ALOXE3: variants seen among roughly 807,000 people sequenced by gnomAD.
ALOXE3 encodes the protein hydroperoxide isomerase ALOXE3.
A neutral mutation model predicts 87.5 loss-of-function variants in ALOXE3; 78 were observed. The observed-to-expected ratio is 0.89, with a 90% CI of 0.74 to 1.08. The LOEUF is 1.08. Among genes scored for constraint, ALOXE3 ranks in the 50% least tolerant of loss-of-function variants. The pLI, the probability that ALOXE3 is intolerant of heterozygous loss-of-function variation, is 0.00. For synonymous variants in ALOXE3, 363 were observed against 370.8 expected, an observed-to-expected ratio of 0.98 and a Z score of 0.24; for missense variants, 946 against 912.4, an observed-to-expected ratio of 1.04 and a Z score of -0.47.
At chr17:8,108,679 G>A in intron 12 of ALOXE3, 90 bp from the exon 13 acceptor site, 2 of 1,563,202 alleles carry the variant, frequency 1.3e-6, no homozygotes, top group African/African-American at 2.7e-5. Flanking sequence ...AGGCGGCAGA[G>A]AGACAGATAG....
intron 13 of ALOXE3, among the ~76,000 whole-genome samples, chr17:8,108,059 GAAA>G (rs1567997145): frequency 8.7e-5 from 13 of 149,980 alleles, no homozygotes; most frequent in African/African-American, 1.2e-4. Flanking sequence ...AAGAAAGAAA[GAAA>G]GAAAGGAAGA....
rs57348893 is a variant in ALOXE3 at position 8,101,031 on chromosome 17, G to GT, written c.1956+2291dup. ...CACGGTGCCAAGCTGCTTTTTTTTT[G>GT]TTTTTTTTTTTTTGAGATGGAACTT... On this transcript the variant is annotated intron_variant, in intron 15 of 15. Coordinates refer to ENST00000448843, the MANE Select transcript of ALOXE3 (RefSeq NM_021628.3). Among the ~76,000 whole-genome samples the GT allele has an allele frequency of 4.9e-4, 68 of 140,122 alleles. 1 individual carries two copies. The highest frequency in any genetic ancestry group is 2.0e-3 in the South Asian group (9 of 4,392). 91.9% of individuals were successfully genotyped at this position (140,122 alleles called of 152,430 possible).
Position 8,111,394 on chromosome 17 carries a change from G to A in ALOXE3, c.922C>T (p.Leu308=). Reference sequence around the variant, plus strand: ...GTCTGCAGGCATGTGTCCTGTCCCAGCAAGGGGGCCACCATGTCATTGGTG... The same window carrying A: ...GTCTGCAGGCATGTGTCCTGTCCCAACAAGGGGGCCACCATGTCATTGGTG... ...PVTNDMVAPL[L]GQDTCLQTEL... The change falls in exon 8 of 16, where the codon CTG becomes TTG. Residue 308 remains leucine (L), a synonymous_variant. Transcript: ENST00000448843. The A allele has an allele frequency of 6.2e-7, 1 of 1,613,826 alleles. No individual in the cohort carries two copies. The highest frequency in any genetic ancestry group is 8.5e-7 in the Non-Finnish European group (1 of 1,180,040).
intron 12 of ALOXE3, among the ~76,000 whole-genome samples, 167 bp from the exon 13 acceptor site, chr17:8,108,756 C>T (rs1051996615): frequency 1.3e-5 from 2 of 152,104 alleles, no homozygotes; most frequent in Non-Finnish European, 2.9e-5. Context: ...CCCTTAAGTC[C>T]CACTCACTCC....
At chr17:8,102,329 C>A (rs1598196881) in intron 15 of ALOXE3, among the ~76,000 whole-genome samples, 1 of 152,152 alleles carries the variant, frequency 6.6e-6, no homozygotes, top group East Asian at 1.9e-4. Flanking sequence ...CCCATCTCTA[C>A]TAAAAATACA....
At position 8,117,926 on chromosome 17, in the gene ALOXE3, A is replaced by C; in HGVS notation, c.65T>G (p.Ile22Ser). 1 of 1,612,312 alleles carries C rather than the reference A, an allele frequency of 6.2e-7. No individual in the cohort carries two copies. The highest frequency in any genetic ancestry group is 2.2e-5 in the East Asian group (1 of 44,850). The change falls in exon 2 of 16, where the codon ATC becomes AGC. Residue 22 changes from isoleucine to serine, a missense_variant. By Grantham distance (142) the Ile-to-Ser change is moderately radical. Transcript: ENST00000448843. Reference sequence around the variant, plus strand: ...ACACGTGCCCACCAGTGTGACAGAGATGTTGTCCAGTGTGCCGGCCCTCAG... The same window carrying C: ...ACACGTGCCCACCAGTGTGACAGAGCTGTTGTCCAGTGTGCCGGCCCTCAG... ...PYLRAGTLDN[I>S]SVTLVGTCGE...
upstream of ALOXE3, chr17:8,118,733 C>T (rs1247501309): frequency 6.5e-7 from 1 of 1,537,290 alleles, no homozygotes; most frequent in Non-Finnish European, 8.7e-7. Flanking sequence ...GTCAGGAAAG[C>T]GAAATACAGC....
rs1451500808 is a variant in ALOXE3 at position 8,103,470 on chromosome 17, G to T, written c.1809C>A (p.Pro603=). 1 of 1,613,962 alleles carries T rather than the reference G, an allele frequency of 6.2e-7. No individual in the cohort carries two copies. Among genetic ancestry groups the T allele is most frequent in the Non-Finnish European group, 8.5e-7 (1 of 1,180,014 alleles). The change falls in exon 15 of 16, where the codon CCC becomes CCA. Residue 603 remains proline (P), a synonymous_variant. Transcript: ENST00000448843. ...SGQHDFGAWM[P]NAPSSMRQPP... Reference sequence around the variant, plus strand: ...GCTGCCTCATGGATGATGGAGCATTGGGCATCCAGGCCCCAAAGTCATGCT... The same window carrying T: ...GCTGCCTCATGGATGATGGAGCATTTGGCATCCAGGCCCCAAAGTCATGCT...
In ALOXE3 at chr17:8,110,546, A is replaced by C. The variant is rs369180932; in HGVS notation, c.958-18T>G. 1.1e-5 allele frequency: 17 copies of C among 1,613,498 alleles called. No homozygotes were observed. The highest frequency in any genetic ancestry group is 1.3e-5 in the African/African-American group (1 of 74,918). On this transcript the variant is annotated intron_variant, in intron 8 of 15. Coordinates refer to ENST00000448843, the MANE Select transcript of ALOXE3 (RefSeq NM_021628.3). ...TTCCCCCTCTGCAGAAGGCACACAG[A>C]GGCTGAGTGTCCCTCCCTACTCGCG...
At chr17:8,105,986 G>C (rs980624413) in intron 13 of ALOXE3, among the ~76,000 whole-genome samples, 15 of 151,806 alleles carry the variant, frequency 9.9e-5, no homozygotes, top group Non-Finnish European at 1.6e-4. Context: ...GAACAGGGAG[G>C]GGACCTAATT....
At position 8,115,657 on chromosome 17, in the gene ALOXE3, G is replaced by A. The variant is rs1379950438; in HGVS notation, c.384C>T (p.Leu128=). The change falls in exon 4 of 16, where the codon CTC becomes CTT. Residue 128 remains leucine, a synonymous_variant. Coordinates refer to ENST00000448843, the MANE Select transcript of ALOXE3 (RefSeq NM_021628.3). ...ARTICQDSLP[L]LLDHRTRELR... ...GCTCCCGTGTCCTGTGATCCAGGAG[G>A]AGGGGAAGAGAGTCCTGACAAATAG... is the stretch of plus-strand genomic sequence containing the variant. 1 of 1,613,922 alleles carries A rather than the reference G, an allele frequency of 6.2e-7. No individual in the cohort carries two copies. The highest frequency in any genetic ancestry group is 8.5e-7 in the Non-Finnish European group (1 of 1,179,800).
rs994430742 is a variant in ALOXE3 at position 8,116,907 on chromosome 17, T to A, written c.221A>T (p.Tyr74Phe). 2.5e-6 allele frequency: 4 copies of A among 1,614,136 alleles called. No individual in the cohort carries two copies. Among genetic ancestry groups the A allele is most frequent in the Non-Finnish European group, 3.4e-6 (4 of 1,180,058 alleles). Residue 74 changes from tyrosine to phenylalanine, a missense_variant, in exon 3 of 16, where the codon TAC (tyrosine) becomes TTC (phenylalanine). By Grantham distance (22) the Tyr-to-Phe change is conservative. Transcript: ENST00000448843. ...CCAAGAGTCCTTGCGGAAGAAAGCG[T>A]AGCGCTCCTTGTGTACACGCAGCAG... The part of the protein sequence containing the change: ...LLLLRVHKER[Y>F]AFFRKDSWYC...
Position 8,104,096 on chromosome 17 carries a change from C to G in ALOXE3, c.1785+19G>C, listed in dbSNP as rs747869316. 1 of 1,609,680 alleles carries G rather than the reference C, an allele frequency of 6.2e-7. No homozygotes were observed. The highest frequency in any genetic ancestry group is 8.5e-7 in the Non-Finnish European group (1 of 1,177,100). ...TTGCTGAGACCTGATGTCCCCAGGCCTGCCCTTTGTAGCCTCACCTGCCCA... is the reference window on the plus strand; with the variant it reads ...TTGCTGAGACCTGATGTCCCCAGGCGTGCCCTTTGTAGCCTCACCTGCCCA... On this transcript the variant is annotated intron_variant, in intron 14 of 15. Transcript: ENST00000448843.
At position 8,110,395 on chromosome 17, in the gene ALOXE3, A is replaced by C; in HGVS notation, c.1091T>G (p.Leu364Trp). 1 of 1,608,126 alleles carries C rather than the reference A, an allele frequency of 6.2e-7. No individual in the cohort carries two copies. Among genetic ancestry groups the C allele is most frequent in the Non-Finnish European group, 8.5e-7 (1 of 1,176,630 alleles). Residue 364 changes from leucine (L) to tryptophan (W), a missense_variant, in exon 9 of 16, where the codon TTG (leucine) becomes TGG (tryptophan). Leu to Trp is a moderately conservative substitution (Grantham distance 61). Transcript: ENST00000448843. ...WLSPQGALVP[L>W]AIQLSQTPGP... is the part of the protein sequence containing the mutation. ...CGGCGCCGGGCTCACCTGGATGGCC[A>C]AGGGCACCAGCGCCCCCTGGGGGCT...
chr17:8,116,641 C>G, intron 3 of ALOXE3, 135 bp downstream of exon 3: 2 of 1,095,284 alleles, frequency 1.8e-6, no homozygotes, highest in East Asian at 5.1e-5. Context: ...TCCCTTTTTT[C>G]AGAAAACATC....
At position 8,109,950 on chromosome 17, in the gene ALOXE3, G is replaced by A. The variant is rs1567999184; in HGVS notation, c.1358C>T (p.Ala453Val). The A allele has an allele frequency of 7.7e-6, 12 of 1,551,298 alleles. No individual in the cohort carries two copies. The highest frequency in any genetic ancestry group is 5.2e-6 in the Non-Finnish European group (6 of 1,146,852). The change falls in exon 11 of 16, where the codon GCC becomes GTC. Residue 453 changes from alanine (A) to valine (V), a missense_variant. Coordinates refer to ENST00000448843, the MANE Select transcript of ALOXE3 (RefSeq NM_021628.3). ...GAGGCCCTCGGGGTTGAGCAGCGTG[G>A]CCCTCGCGATGGTGTTCACCTGCAG... Reference protein sequence around the residue: ...YTLQVNTIARATLLNPEGLVD... With the variant: ...YTLQVNTIARVTLLNPEGLVD...
At chr17:8,112,345 C>T (rs999211875) in intron 6 of ALOXE3, 149 bp from the exon 7 acceptor site, 16 of 655,494 alleles carry the variant, frequency 2.4e-5, no homozygotes, top group Admixed American at 9.7e-5. Context: ...GTCTAGTACC[C>T]GGTGGAGGCT....
intron 14 of ALOXE3, 159 bp from the exon 15 acceptor site, chr17:8,103,652 G>A: frequency 1.2e-6 from 1 of 859,598 alleles, no homozygotes; most frequent in Non-Finnish European, 1.9e-6. Flanking sequence ...GGGGATCATG[G>A]AAAGGCAAGA....
intron 6 of ALOXE3, among the ~76,000 whole-genome samples, chr17:8,113,846 A>G (rs1268348099): frequency 6.6e-6 from 1 of 151,756 alleles, no homozygotes; most frequent in Non-Finnish European, 1.5e-5. Flanking sequence ...AACCAACATG[A>G]AGAAACCCCA....
Sources: gnomAD v4.1 joint callset for allele counts (sites outside exome capture counted in the v4.1 genomes callset) on GRCh38, gnomAD v4.1.1 for gene constraint, MANE v1.5 for transcripts, NCBI Gene and HGNC (gene_info 2026-07-23, HGNC 2026-07-21) for gene names.